KIRREL3: variants seen among roughly 807,000 people sequenced by gnomAD.
The protein encoded by KIRREL3 is kirre like nephrin family adhesion molecule 3.
In KIRREL3, 36 loss-of-function variants were observed where a neutral mutation model predicts 89.7. The ratio of observed to expected loss-of-function variants is 0.40; its 90% CI spans 0.31 to 0.53. The LOEUF (loss-of-function observed/expected upper bound fraction) is 0.53, where lower values mean the gene tolerates loss of function less well. Among genes scored for constraint, KIRREL3 ranks in the 20% least tolerant of loss-of-function variants. The pLI is 0.49. For synonymous variants in KIRREL3, 445 were observed against 441.4 expected, an observed-to-expected ratio of 1.01 and a Z score of -0.10; for missense variants, 864 against 1,056.6, an observed-to-expected ratio of 0.82 and a Z score of 2.53.
In KIRREL3 at chr11:126,797,258, T is replaced by C. The variant is rs955124014; in HGVS notation, c.55+203197A>G. Among the ~76,000 whole-genome samples, 13 of 152,236 alleles carry C rather than the reference T, an allele frequency of 8.5e-5. No individual in the cohort carries two copies. The highest frequency in any genetic ancestry group is 2.7e-4 in the African/African-American group (11 of 41,462). On this transcript the variant is annotated intron_variant, in intron 1 of 16. Coordinates refer to ENST00000525144, the MANE Select transcript of KIRREL3 (RefSeq NM_032531.4). The surrounding 1 kb of genome is among the most constrained non-coding windows in gnomAD (Gnocchi z 4.9). ...CCCACCTCTGCCACTTATTGACCTC[T>C]CTGAGACTCAATTTCTCATCTATGA... is the stretch of plus-strand genomic sequence containing the variant.
rs1350274362 is a variant in KIRREL3, at chr11:126,608,762, C to A, written c.56-45850G>T. On this transcript the variant is annotated intron_variant, in intron 1 of 16. Transcript: ENST00000525144. This position sits in a 1 kb window ranked among gnomAD's most constrained non-coding sequence, Gnocchi z 4.9. ...AGAGGCAGAGCATTGGGCCTGCTGG[C>A]AAACTGCTAACTGGCACAGGTGACT... Among the ~76,000 whole-genome samples, 1 of 152,204 alleles carries A rather than the reference C, an allele frequency of 6.6e-6. No homozygotes were observed. The highest frequency in any genetic ancestry group is 6.5e-5 in the Admixed American group (1 of 15,280).
chr11:126,749,591 A>G (rs1949268671), intron 1 of KIRREL3, among the ~76,000 whole-genome samples: 1 of 152,098 alleles, frequency 6.6e-6, no homozygotes, highest in South Asian at 2.1e-4. Context: ...TGACTTCTTT[A>G]CCAAAGTCTT....
At chr11:126,937,940 G>C (rs766455693) in intron 1 of KIRREL3, among the ~76,000 whole-genome samples, 4 of 152,148 alleles carry the variant, frequency 2.6e-5, no homozygotes, top group African/African-American at 4.8e-5. Flanking sequence ...AGTCATGTTG[G>C]TACTGCCAGG....
At chr11:126,825,007 G>T (rs1943357750) in intron 1 of KIRREL3, among the ~76,000 whole-genome samples, 1 of 152,160 alleles carries the variant, frequency 6.6e-6, no homozygotes, top group Non-Finnish European at 1.5e-5. Context: ...GGAATAAAAT[G>T]GGAGACAATT....
chr11:126,825,875 G>A (rs1946069), intron 1 of KIRREL3, among the ~76,000 whole-genome samples: 131,086 of 152,014 alleles, frequency 0.86, 56,854 homozygotes, highest in East Asian at 1. Flanking sequence ...GAGTTGATAC[G>A]TTAATCAGGT....
rs1473403026 is a variant in KIRREL3 at position 126,762,192 on chromosome 11, T to TAAAC, written c.56-199284_56-199281dup. Among the ~76,000 whole-genome samples, 123 of 151,148 alleles carry TAAAC rather than the reference T, an allele frequency of 8.1e-4. 1 individual carries two copies. The South Asian group carries it at 0.024, about 29-fold the overall frequency. On this transcript the variant is annotated intron_variant, in intron 1 of 16. Coordinates refer to ENST00000525144, the MANE Select transcript of KIRREL3 (RefSeq NM_032531.4). The stretch of plus-strand genomic sequence containing the variant: ...TGTCATAAATAAATAAATAAATAAA[T>TAAAC]AAACAAACAAACAAATAAATAAAGT...
At chr11:126,839,772 G>A (rs555765969) in intron 1 of KIRREL3, among the ~76,000 whole-genome samples, 20 of 152,160 alleles carry the variant, frequency 1.3e-4, no homozygotes, top group Non-Finnish European at 2.9e-4. Context: ...AATGTTTTAT[G>A]TATTACGCTA....
chr11:126,627,589 A>G lies in KIRREL3; in HGVS notation c.56-64677T>C, dbSNP rs925510268. On this transcript the variant is annotated intron_variant, in intron 1 of 16. Coordinates refer to ENST00000525144, the MANE Select transcript of KIRREL3 (RefSeq NM_032531.4). This position sits in a 1 kb window ranked among gnomAD's most constrained non-coding sequence, Gnocchi z 5.0. Reference sequence around the variant, plus strand: ...TGGCCGATGTGTCCTACCGTGGTACATCATCTCCTAATTAACATGTCTTGT... The same window carrying G: ...TGGCCGATGTGTCCTACCGTGGTACGTCATCTCCTAATTAACATGTCTTGT... Among the ~76,000 whole-genome samples, 2 of 152,298 alleles carry G rather than the reference A, an allele frequency of 1.3e-5. No homozygotes were observed. Among genetic ancestry groups the G allele is most frequent in the South Asian group, 2.1e-4 (1 of 4,822 alleles).
At position 126,676,074 on chromosome 11, in the gene KIRREL3, G is replaced by C. The variant is rs953094359; in HGVS notation, c.56-113162C>G. 6.6e-6 allele frequency among the ~76,000 whole-genome samples: 1 copy of C among 152,200 alleles called. No homozygotes were observed. Among genetic ancestry groups the C allele is most frequent in the Non-Finnish European group, 1.5e-5 (1 of 68,040 alleles). The stretch of plus-strand genomic sequence containing the variant: ...AGTTTGAGAAAGGAAGAGGATGCCA[G>C]GTCCAGTTTGGGACATACTGAATTT... On this transcript the variant is annotated intron_variant, in intron 1 of 16. Coordinates refer to ENST00000525144, the MANE Select transcript of KIRREL3 (RefSeq NM_032531.4). This position sits in a 1 kb window ranked among gnomAD's most constrained non-coding sequence, Gnocchi z 4.5.
In KIRREL3 at chr11:126,906,617, A is replaced by G. The variant is rs998570528; in HGVS notation, c.55+93838T>C. ...TTTGCTTCAGATCTCCTTTCCTTTC[A>G]CTGTTTTTTTTAGCATGTATGGGAA... On this transcript the variant is annotated intron_variant, in intron 1 of 16. Coordinates refer to ENST00000525144, the MANE Select transcript of KIRREL3 (RefSeq NM_032531.4). This position sits in a 1 kb window ranked among gnomAD's most constrained non-coding sequence, Gnocchi z 4.1. Among the ~76,000 whole-genome samples the G allele has an allele frequency of 9.4e-6, 1 of 105,950 alleles. No homozygotes were observed. The highest frequency in any genetic ancestry group is 2.1e-5 in the Non-Finnish European group (1 of 46,808). 69.5% of individuals were successfully genotyped at this position (105,950 alleles called of 152,430 possible). A position where few individuals can be genotyped will look rare whatever the true frequency, so the allele number is the denominator to read the frequency against.
intron 1 of KIRREL3, among the ~76,000 whole-genome samples, chr11:126,941,581 G>A (rs1220397160): frequency 6.6e-6 from 1 of 152,204 alleles, no homozygotes; most frequent in South Asian, 2.1e-4. Flanking sequence ...GTATACTCAG[G>A]TGAATAAGAG....
rs1030053468 is a variant in KIRREL3, at chr11:126,563,197, T to A, written c.56-285A>T. 6.6e-6 allele frequency among the ~76,000 whole-genome samples: 1 copy of A among 152,210 alleles called. No homozygotes were observed. The highest frequency in any genetic ancestry group is 2.4e-5 in the African/African-American group (1 of 41,448). On this transcript the variant is annotated intron_variant, in intron 1 of 16. Coordinates refer to ENST00000525144, the MANE Select transcript of KIRREL3 (RefSeq NM_032531.4). The surrounding 1 kb of genome is among the most constrained non-coding windows in gnomAD (Gnocchi z 6.8). ...ACTGGATGAAAGAGCTAGCAGGTGG[T>A]AAAGCCAGAGCTTTGAACCTAGGCA...
At position 126,562,884 on chromosome 11, in the gene KIRREL3, A is replaced by AG; in HGVS notation, c.83_84insC (p.Leu29SerfsTer16). ...CCTTGGCCATGTAGCCCAGCACCAG[A>AG]CAGCATCCTCTCTTCTGGAGGCCCA... On this transcript the variant is annotated frameshift_variant, in exon 2 of 17. Transcript: ENST00000525144. LOFTEE classifies it high-confidence loss of function. The surrounding 1 kb of genome is among the most constrained non-coding windows in gnomAD (Gnocchi z 4.7). 1 of 1,613,806 alleles carries AG rather than the reference A, an allele frequency of 6.2e-7. No individual in the cohort carries two copies. Among genetic ancestry groups the AG allele is most frequent in the Non-Finnish European group, 8.5e-7 (1 of 1,179,786 alleles).
At chr11:126,456,323 C>G in intron 7 of KIRREL3, 26 bp downstream of exon 7, 1 of 1,508,208 alleles carries the variant, frequency 6.6e-7, no homozygotes, top group Non-Finnish European at 9.0e-7. Context: ...GTGGCCAGGC[C>G]GGGCCCCCTC....
rs537006994 is a variant in KIRREL3 at position 126,653,780 on chromosome 11, A to T, written c.56-90868T>A. 1.6e-3 allele frequency among the ~76,000 whole-genome samples: 237 copies of T among 152,340 alleles called. No homozygotes were observed. Among genetic ancestry groups the T allele is most frequent in the Non-Finnish European group, 2.0e-3 (137 of 68,024 alleles). ...CATAAAAAGTGCACGGTGGAACCTG[A>T]GAAGGTGGAGAAGGGCAGGGATGCC... On this transcript the variant is annotated intron_variant, in intron 1 of 16. Coordinates refer to ENST00000525144, the MANE Select transcript of KIRREL3 (RefSeq NM_032531.4). The surrounding 1 kb of genome is among the most constrained non-coding windows in gnomAD (Gnocchi z 5.4).
Position 126,463,662 on chromosome 11 carries a change from TG to T in KIRREL3, c.592-356del, listed in dbSNP as rs1180273214. ...AAATGAACTCACATCTTTTTGCCTC[TG>T]GTGCTTGAGTGACAGTCTCAGGCTC... On this transcript the variant is annotated intron_variant, in intron 5 of 16. Transcript: ENST00000525144. The surrounding 1 kb of genome is among the most constrained non-coding windows in gnomAD (Gnocchi z 5.9). 1.3e-5 allele frequency among the ~76,000 whole-genome samples: 2 copies of T among 152,210 alleles called. No homozygotes were observed. Among genetic ancestry groups the T allele is most frequent in the Non-Finnish European group, 2.9e-5 (2 of 68,048 alleles).
At position 126,655,649 on chromosome 11, in the gene KIRREL3, G is replaced by A. The variant is rs1244679477; in HGVS notation, c.56-92737C>T. Among the ~76,000 whole-genome samples the A allele has an allele frequency of 6.6e-6, 1 of 152,146 alleles. No homozygotes were observed. Among genetic ancestry groups the A allele is most frequent in the Non-Finnish European group, 1.5e-5 (1 of 68,036 alleles). On this transcript the variant is annotated intron_variant, in intron 1 of 16. Coordinates refer to ENST00000525144, the MANE Select transcript of KIRREL3 (RefSeq NM_032531.4). The surrounding 1 kb of genome is among the most constrained non-coding windows in gnomAD (Gnocchi z 5.0). ...ACGCAGTTGTCATCTCGGGAGCAGT[G>A]TGTGCCCGTCCACCCTGGGAGAGGC...
intron 5 of KIRREL3, among the ~76,000 whole-genome samples, chr11:126,470,569 G>A (rs1458614269): frequency 1.3e-5 from 2 of 152,202 alleles, no homozygotes; most frequent in African/African-American, 4.8e-5. Flanking sequence ...CACATCCTCG[G>A]ATGACCAAGG....
chr11:126,586,467 T>C (rs567760432), intron 1 of KIRREL3, among the ~76,000 whole-genome samples: 2 of 152,052 alleles, frequency 1.3e-5, no homozygotes, highest in Non-Finnish European at 2.9e-5. Flanking sequence ...CTGCTGCCTC[T>C]AAGCACATAC....
Sources: gnomAD v4.1 joint callset for allele counts (sites outside exome capture counted in the v4.1 genomes callset) on GRCh38, gnomAD v4.1.1 for gene constraint, Gnocchi (gnomAD v3.1) non-coding constraint, MANE v1.5 for transcripts, NCBI Gene and HGNC (gene_info 2026-07-23, HGNC 2026-07-21) for gene names.